Variants in UBE2J2 observed in about 807,000 individuals in gnomAD.
UBE2J2 encodes the protein ubiquitin-conjugating enzyme E2 J2.
Under a neutral mutation model 28.6 loss-of-function variants are expected in UBE2J2, and 5 were observed. The observed-to-expected ratio is 0.17, with a 90% CI of 0.09 to 0.37. UBE2J2 has a LOEUF of 0.37. UBE2J2 is among the 10% of genes least tolerant of loss of function. The pLI, the probability that UBE2J2 is intolerant of heterozygous loss-of-function variation, is 1.00. For missense variants in UBE2J2, 226 were observed against 338.9 expected (o/e 0.67, Z 2.62); for synonymous variants, 138 against 139.7 (o/e 0.99, Z 0.09).
chr1:1,263,550 C>A, intron 2 of UBE2J2, 164 bp from the exon 3 acceptor site: 1 of 652,348 alleles, frequency 1.5e-6, no homozygotes, highest in Admixed American at 2.3e-5. Flanking sequence ...CTTCAAAACC[C>A]CCGTCTCTTC....
chr1:1,256,867 C>A (rs1639209512), intron 5 of UBE2J2, 125 bp downstream of exon 5: 7 of 960,222 alleles, frequency 7.3e-6, no homozygotes, highest in African/African-American at 2.0e-5. Context: ...AGCCTGGAGA[C>A]ACAGCGAGAC....
intron 3 of UBE2J2, chr1:1,262,280 G>A (rs1188149102): frequency 4.4e-6 from 2 of 454,978 alleles, no homozygotes; most frequent in Non-Finnish European, 8.8e-6. Context: ...ACGGCCTGCT[G>A]GCATCCCCAA....
intron 5 of UBE2J2, 138 bp downstream of exon 5, chr1:1,256,854 T>C (rs1184715285): frequency 1.4e-5 from 12 of 836,956 alleles, no homozygotes; most frequent in African/African-American, 2.2e-5. Context: ...GCCACTGCAC[T>C]CCAGCCTGGA....
At chr1:1,262,970 C>A (rs1639647270) in intron 3 of UBE2J2, 1 of 200,738 alleles carries the variant, frequency 5.0e-6, no homozygotes, top group Admixed American at 5.2e-5. Context: ...CTGGGGGCGC[C>A]CAGCACAGAA....
At chr1:1,265,962 C>G (rs1008680132) in intron 2 of UBE2J2, 2 of 1,035,846 alleles carry the variant, frequency 1.9e-6, no homozygotes, top group Non-Finnish European at 2.6e-6. Context: ...GGTGAGTATT[C>G]TTTGTGAATC....
chr1:1,255,395 G>A lies in UBE2J2; in HGVS notation c.588C>T (p.His196=), dbSNP rs1178307545. The A allele has an allele frequency of 1.9e-6, 3 of 1,613,772 alleles. No homozygotes were observed. Among genetic ancestry groups the A allele is most frequent in the East Asian group, 2.2e-5 (1 of 44,892 alleles). ...LPDVVPDGET[H]LVQNGIQLLN... Reference sequence around the variant, plus strand: ...GCAGCTGAATCCCGTTCTGGACGAGGTGCGTCTCCCCGTCTGGAACCACGT... The same window carrying A: ...GCAGCTGAATCCCGTTCTGGACGAGATGCGTCTCCCCGTCTGGAACCACGT... Residue 196 remains histidine (H), a synonymous_variant, in exon 7 of 7, where the codon CAC becomes CAT. Transcript: ENST00000349431.
chr1:1,261,658 T>G (rs543535646), intron 3 of UBE2J2, among the ~76,000 whole-genome samples: 11 of 151,942 alleles, frequency 7.2e-5, no homozygotes, highest in Non-Finnish European at 1.0e-4. Flanking sequence ...TTGGTTTTTT[T>G]TTTTTTTTTT....
At chr1:1,256,888 GAAAAAAAAAAAA>G (rs57305655) in intron 5 of UBE2J2, 92 bp downstream of exon 5, 23 of 513,878 alleles carry the variant, frequency 4.5e-5, no homozygotes, top group Non-Finnish European at 5.5e-5. Context: ...TCCGTCTCAA[GAAAAAAAAAAAA>G]AAAAAAAAAA....
chr1:1,256,217 T>A lies in UBE2J2; in HGVS notation c.415-92A>T, dbSNP rs1456414703. On this transcript the variant is annotated intron_variant, in intron 5 of 6. Coordinates refer to ENST00000349431, the MANE Select transcript of UBE2J2 (RefSeq NM_058167.3). ...ATGATTTCAAAGTCAAGGGCTGCAG[T>A]CTTCGTGTTGCAGAAAGCATTTAAT... The A allele has an allele frequency of 4.3e-6, 4 of 920,206 alleles. No homozygotes were observed. In the Admixed American group the frequency reaches 6.2e-5, roughly 14 times the overall value. The allele number at this position is 920,206 out of a possible 1,614,324, so 57.0% of individuals were successfully genotyped here.
chr1:1,259,335 ATG>A (rs1332714048), intron 3 of UBE2J2, among the ~76,000 whole-genome samples: 1 of 149,396 alleles, frequency 6.7e-6, no homozygotes, highest in Non-Finnish European at 1.5e-5. Context: ...GGGCGTGGGC[ATG>A]TGTGTGCGTG....
At chr1:1,272,342 G>A (rs1323658582) in intron 1 of UBE2J2, among the ~76,000 whole-genome samples, 2 of 152,200 alleles carry the variant, frequency 1.3e-5, no homozygotes, top group Non-Finnish European at 2.9e-5. Context: ...CTGCATTAAA[G>A]CAGCGTGAAT....
chr1:1,256,886 AAG>A (rs1639211734), intron 5 of UBE2J2, 104 bp downstream of exon 5: 2 of 1,048,192 alleles, frequency 1.9e-6, no homozygotes, highest in Non-Finnish European at 2.5e-6. Flanking sequence ...ACTCCGTCTC[AAG>A]AAAAAAAAAA....
At position 1,268,966 on chromosome 1, in the gene UBE2J2, G is replaced by A. The variant is rs894291018; in HGVS notation, c.1-974C>T. On this transcript the variant is annotated intron_variant, in intron 1 of 6. Coordinates refer to ENST00000349431, the MANE Select transcript of UBE2J2 (RefSeq NM_058167.3). The surrounding 1 kb of genome is among the most constrained non-coding windows in gnomAD (Gnocchi z 4.7). ...TGCTGGAATCACAGGCAGGAGCCAC[G>A]GTAACCCGGGCCCCACAGGGGTTTG... is the stretch of plus-strand genomic sequence containing the variant. Among the ~76,000 whole-genome samples the A allele has an allele frequency of 2.6e-5, 4 of 152,158 alleles. No individual in the cohort carries two copies. The highest frequency in any genetic ancestry group is 2.1e-4 in the South Asian group (1 of 4,830).
At chr1:1,266,495 C>T (rs1444577110) in intron 2 of UBE2J2, among the ~76,000 whole-genome samples, 2 of 152,054 alleles carry the variant, frequency 1.3e-5, no homozygotes, top group Non-Finnish European at 2.9e-5. Flanking sequence ...CATTGCACTC[C>T]AGCCTGGGCG....
chr1:1,267,623 G>T, intron 2 of UBE2J2: 2 of 1,094,002 alleles, frequency 1.8e-6, no homozygotes, highest in Non-Finnish European at 2.4e-6. Flanking sequence ...CCACACCGGA[G>T]ATTCTCTCCA....
chr1:1,268,496 G>A lies in UBE2J2; in HGVS notation c.1-504C>T, dbSNP rs573632598. 1.4e-4 allele frequency among the ~76,000 whole-genome samples: 22 copies of A among 152,242 alleles called. 1 individual carries two copies. The highest frequency in any genetic ancestry group is 7.2e-4 in the Admixed American group (11 of 15,294). On this transcript the variant is annotated intron_variant, in intron 1 of 6. Coordinates refer to ENST00000349431, the MANE Select transcript of UBE2J2 (RefSeq NM_058167.3). The surrounding 1 kb of genome is among the most constrained non-coding windows in gnomAD (Gnocchi z 4.7). ...CCACTAGCCACAAGCAAAACGAGCC[G>A]CAGAACGGGGGAGCCTCTGCGGCTG...
intron 5 of UBE2J2, 74 bp downstream of exon 5, chr1:1,256,918 T>G: frequency 2.3e-5 from 22 of 949,022 alleles, no homozygotes; most frequent in African/African-American, 3.6e-5. Context: ...AAAAGGCAGC[T>G]GCAACTCAGG....
At chr1:1,258,242 C>T (rs1347082614) in intron 3 of UBE2J2, among the ~76,000 whole-genome samples, 3 of 151,964 alleles carry the variant, frequency 2.0e-5, no homozygotes, top group Non-Finnish European at 2.9e-5. Context: ...GGGGTTTCAC[C>T]GTGTTAGCCA....
At position 1,268,694 on chromosome 1, in the gene UBE2J2, A is replaced by T. The variant is rs530105760; in HGVS notation, c.1-702T>A. ...CAGGGAGGCAGGGCCAGGGCATAAG[A>T]GTTTATTTACTTATTTTTCGTGAGA... On this transcript the variant is annotated intron_variant, in intron 1 of 6. Transcript: ENST00000349431. The surrounding 1 kb of genome is among the most constrained non-coding windows in gnomAD (Gnocchi z 4.7). 1.3e-5 allele frequency among the ~76,000 whole-genome samples: 2 copies of T among 152,182 alleles called. No homozygotes were observed. Among genetic ancestry groups the T allele is most frequent in the African/African-American group, 2.4e-5 (1 of 41,522 alleles).
Sources: allele counts gnomAD v4.1 joint callset (sites outside exome capture counted in the v4.1 genomes callset), GRCh38; gene constraint gnomAD v4.1.1; non-coding constraint Gnocchi (gnomAD v3.1); transcripts MANE v1.5; gene names NCBI Gene and HGNC (gene_info 2026-07-23, HGNC 2026-07-21).